Variants in TCN1 observed in about 807,000 individuals in gnomAD.
TCN1 encodes transcobalamin-1.
TCN1 carries 47 observed loss-of-function variants against 46.3 expected under a neutral mutation model. The observed-to-expected ratio is 1.01, with a 90% CI of 0.80 to 1.29. The LOEUF (loss-of-function observed/expected upper bound fraction) is 1.29, where lower values mean the gene tolerates loss of function less well. Ranked by LOEUF, TCN1 falls within the 50% of genes most tolerant of loss-of-function variation. The probability of loss-of-function intolerance (pLI) is 0.00; values close to 1 mark genes in which losing one functional copy is unlikely to be tolerated. For missense variants in TCN1, 532 were observed against 511.0 expected (o/e 1.04, Z -0.40); for synonymous variants, 183 against 192.5 (o/e 0.95, Z 0.41).
chr11:59,853,146 A>G, intron 8 of TCN1, 57 bp downstream of exon 8: 5 of 1,599,480 alleles, frequency 3.1e-6, no homozygotes, highest in Non-Finnish European at 3.4e-6. Context: ...AGAGGCTCAC[A>G]CCCCTCTCCA....
intron 5 of TCN1, 135 bp downstream of exon 5, chr11:59,858,942 G>A (rs957850814): frequency 4.6e-5 from 46 of 990,430 alleles, no homozygotes; most frequent in Admixed American, 2.7e-4. Flanking sequence ...GGCGGAGGTC[G>A]CAGTGAGCTG....
chr11:59,857,667 T>C (rs1251091798), intron 5 of TCN1, among the ~76,000 whole-genome samples: 3 of 152,298 alleles, frequency 2.0e-5, no homozygotes, highest in South Asian at 2.1e-4. Flanking sequence ...TTTTTTTTTT[T>C]CTGTAAACCT....
chr11:59,862,613 T>G lies in TCN1; in HGVS notation c.369A>C (p.Glu123Asp), dbSNP rs569330297. ...IYDYHLIDKL[E>D]NKFQAEIENM... is the part of the protein sequence containing the mutation. Reference sequence around the variant, plus strand: ...TTTCAATTTCTGCTTGGAATTTATTTTCTAGCTTGTCGATCAGGTGGTAAT... The same window carrying G: ...TTTCAATTTCTGCTTGGAATTTATTGTCTAGCTTGTCGATCAGGTGGTAAT... The change falls in exon 3 of 9, where the codon GAA (glutamate) becomes GAC (aspartate). Residue 123 changes from glutamate (E) to aspartate (D), a missense_variant. Physicochemically the swap from Glu to Asp is conservative, Grantham distance 45. Transcript: ENST00000257264. 6.2e-7 allele frequency: 1 copy of G among 1,613,718 alleles called. No individual in the cohort carries two copies. The highest frequency in any genetic ancestry group is 1.3e-5 in the African/African-American group (1 of 75,020).
At position 59,852,846 on chromosome 11, in the gene TCN1, T is replaced by C. The variant is rs765093929; in HGVS notation, c.*129A>G. Reference sequence around the variant, plus strand: ...CTTTCAACAACTTTTATTGAACATGTAGAGAGAGAAGGGGAGGTTATTAAC... The same window carrying C: ...CTTTCAACAACTTTTATTGAACATGCAGAGAGAGAAGGGGAGGTTATTAAC... On this transcript the variant is annotated 3_prime_UTR_variant, in exon 9 of 9. Transcript: ENST00000257264. 5.9e-6 allele frequency: 5 copies of C among 846,502 alleles called. No homozygotes were observed. Among genetic ancestry groups the C allele is most frequent in the Non-Finnish European group, 1.0e-5 (5 of 485,300 alleles). 52.4% of individuals were successfully genotyped at this position (846,502 alleles called of 1,614,324 possible). A position where few individuals can be genotyped will look rare whatever the true frequency, so the allele number is the denominator to read the frequency against.
chr11:59,856,568 A>G (rs1262193798), intron 5 of TCN1, among the ~76,000 whole-genome samples: 1 of 151,794 alleles, frequency 6.6e-6, no homozygotes, highest in Non-Finnish European at 1.5e-5. Context: ...AGCACTCAAG[A>G]GGAACAACAT....
At position 59,854,691 on chromosome 11, in the gene TCN1, A is replaced by T; in HGVS notation, c.1082T>A (p.Val361Glu). The T allele has an allele frequency of 6.2e-7, 1 of 1,613,974 alleles. No individual in the cohort carries two copies. The highest frequency in any genetic ancestry group is 8.5e-7 in the Non-Finnish European group (1 of 1,179,900). ...ATTCATTTTCTGGGCTTTCTCCATCACACTGAGGAAGACAGAACCATTTAG... is the reference window on the plus strand; with the variant it reads ...ATTCATTTTCTGGGCTTTCTCCATCTCACTGAGGAAGACAGAACCATTTAG... ...TVLNGSVFLS[V>E]MEKAQKMNDT... is the part of the protein sequence containing the mutation. Residue 361 changes from valine (V) to glutamate (E), a missense_variant, in exon 7 of 9, where the codon GTG becomes GAG. Physicochemically the swap from Val to Glu is moderately radical, Grantham distance 121. Transcript: ENST00000257264.
At chr11:59,862,927 C>G (rs1430147278) in intron 2 of TCN1, among the ~76,000 whole-genome samples, 1 of 152,142 alleles carries the variant, frequency 6.6e-6, no homozygotes, top group South Asian at 2.1e-4. Flanking sequence ...AGTGTACTTA[C>G]ACAACCTAGA....
rs756196612 is a variant in TCN1 at position 59,861,540 on chromosome 11, G to C, written c.543C>G (p.Ser181Arg). 1.9e-6 allele frequency: 3 copies of C among 1,614,046 alleles called. No individual in the cohort carries two copies. Among genetic ancestry groups the C allele is most frequent in the Non-Finnish European group, 2.5e-6 (3 of 1,179,938 alleles). The change falls in exon 4 of 9, where the codon AGC becomes AGG. Residue 181 changes from serine to arginine, a missense_variant. By Grantham distance (110) the Ser-to-Arg change is moderately radical (BLOSUM62 -1). Coordinates refer to ENST00000257264, the MANE Select transcript of TCN1 (RefSeq NM_001062.4). ...TTAGTAACTCACCTACTGAGAACTG[G>C]CTACCAAAATAATAGTTTTTATTTT... ...TPENKNYYFG[S>R]QFSVDTGAMA... is the part of the protein sequence containing the mutation.
chr11:59,855,928 G>T lies in TCN1; in HGVS notation c.878C>A (p.Ala293Asp). The change falls in exon 6 of 9, where the codon GCC (alanine) becomes GAC (aspartate). Residue 293 changes from alanine to aspartate, a missense_variant. By Grantham distance (126) the Ala-to-Asp change is moderately radical. Transcript: ENST00000257264. ...ATCCAAGAAGGTCTTTCCCATCAGG[G>T]CAGGTAAGACCTGGGCTGCAGCGTT... is the stretch of plus-strand genomic sequence containing the variant. The part of the protein sequence containing the change: ...NPNAAAQVLP[A>D]LMGKTFLDIN... The T allele has an allele frequency of 8.7e-6, 14 of 1,613,832 alleles. No individual in the cohort carries two copies. The highest frequency in any genetic ancestry group is 1.2e-5 in the Non-Finnish European group (14 of 1,179,796).
chr11:59,854,642 A>T lies in TCN1; in HGVS notation c.1121+10T>A. 1.2e-6 allele frequency: 2 copies of T among 1,613,054 alleles called. No individual in the cohort carries two copies. The highest frequency in any genetic ancestry group is 1.7e-6 in the Non-Finnish European group (2 of 1,179,208). On this transcript the variant is annotated intron_variant, in intron 7 of 8. Transcript: ENST00000257264. ...CAAACATCTTAACCTTAGGTTAGGT[A>T]CAGACCTACCCAAATATAGTATCAT... is the stretch of plus-strand genomic sequence containing the variant.
chr11:59,857,648 C>T (rs908818465), intron 5 of TCN1, among the ~76,000 whole-genome samples: 1 of 151,988 alleles, frequency 6.6e-6, no homozygotes, highest in South Asian at 2.1e-4. Flanking sequence ...ACTGATGATG[C>T]AGTAAAGTTT....
chr11:59,866,448 G>A lies in TCN1; in HGVS notation c.23C>T (p.Pro8Leu), dbSNP rs1853077844. The change falls in exon 1 of 9, where the codon CCC becomes CTC. Residue 8 changes from proline to leucine, a missense_variant. Pro to Leu is a moderately conservative substitution (Grantham distance 98). Transcript: ENST00000257264. MRQSHQL[P>L]LVGLLLFSFI... is the part of the protein sequence containing the mutation. Reference sequence around the variant, plus strand: ...AGAAAACAGTAAGAGCCCCACTAGGGGCAGCTGGTGTGACTGTCTCATCTC... The same window carrying A: ...AGAAAACAGTAAGAGCCCCACTAGGAGCAGCTGGTGTGACTGTCTCATCTC... 3.1e-6 allele frequency: 5 copies of A among 1,613,484 alleles called. No homozygotes were observed. Among genetic ancestry groups the A allele is most frequent in the East Asian group, 2.2e-5 (1 of 44,874 alleles).
At chr11:59,862,244 A>G (rs1590867266) in intron 3 of TCN1, among the ~76,000 whole-genome samples, 1 of 151,978 alleles carries the variant, frequency 6.6e-6, no homozygotes, top group South Asian at 2.1e-4. Context: ...TTGTTCAGCT[A>G]TTTCTGGTGT....
intron 2 of TCN1, among the ~76,000 whole-genome samples, chr11:59,862,973 C>A (rs1365502583): frequency 6.6e-6 from 1 of 152,166 alleles, no homozygotes; most frequent in African/African-American, 2.4e-5. Context: ...CTATAGGGTA[C>A]AGCTTGTTGC....
intron 7 of TCN1, among the ~76,000 whole-genome samples, chr11:59,853,780 T>G (rs1310293495): frequency 6.6e-6 from 1 of 152,236 alleles, no homozygotes; most frequent in African/African-American, 2.4e-5. Flanking sequence ...ATTGTGTTTA[T>G]TAAAAAGTGA....
At chr11:59,854,941 G>T in intron 6 of TCN1, 106 bp from the exon 7 acceptor site, 1 of 1,222,644 alleles carries the variant, frequency 8.2e-7, no homozygotes, top group Non-Finnish European at 1.2e-6. Context: ...CCTTTATGCA[G>T]ACACGGATTT....
At chr11:59,861,488 A>G in intron 4 of TCN1, 39 bp downstream of exon 4, 2 of 1,608,400 alleles carry the variant, frequency 1.2e-6, no homozygotes, top group South Asian at 2.2e-5. Flanking sequence ...ACTGGTGACC[A>G]TGTCCTCTGT....
At chr11:59,853,447 G>T in intron 7 of TCN1, 126 bp from the exon 8 acceptor site, 2 of 901,206 alleles carry the variant, frequency 2.2e-6, no homozygotes, top group Non-Finnish European at 3.7e-6. Flanking sequence ...AGATTTCCTG[G>T]CCCTATCCAT....
intron 3 of TCN1, 50 bp downstream of exon 3, chr11:59,862,532 G>C (rs1329681915): frequency 6.2e-7 from 1 of 1,601,232 alleles, no homozygotes; most frequent in African/African-American, 1.3e-5. Context: ...TTTTGAATCA[G>C]TGGAGGAGAA....
Sources: gnomAD v4.1 joint callset for allele counts (sites outside exome capture counted in the v4.1 genomes callset) on GRCh38, gnomAD v4.1.1 for gene constraint, MANE v1.5 for transcripts, NCBI Gene and HGNC (gene_info 2026-07-23, HGNC 2026-07-21) for gene names.